The following NAALADL2 variants were observed in gnomAD, a reference collection of about 807,000 sequenced individuals.
NAALADL2 encodes inactive N-acetylated-alpha-linked acidic dipeptidase-like protein 2.
In NAALADL2, 76 loss-of-function variants were observed where a neutral mutation model predicts 87.2. The observed-to-expected ratio is 0.87, with a 90% CI of 0.72 to 1.05. The LOEUF is 1.05. Ranked by LOEUF, NAALADL2 falls within the 50% of genes least tolerant of loss-of-function variation. NAALADL2 has a pLI of 0.00. For missense variants in NAALADL2, 1,089 were observed against 945.8 expected, an observed-to-expected ratio of 1.15 and a Z score of -1.99; for synonymous variants, 354 against 331.0, an observed-to-expected ratio of 1.07 and a Z score of -0.75.
At chr3:175,141,892 G>A (rs1214887922) in intron 2 of NAALADL2, among the ~76,000 whole-genome samples, 1 of 152,070 alleles carries the variant, frequency 6.6e-6, no homozygotes, top group African/African-American at 2.4e-5. Context: ...GGATGAAGAT[G>A]TAATTTGGAA....
At chr3:175,477,444 T>C (rs1390763496) in intron 9 of NAALADL2, among the ~76,000 whole-genome samples, 1 of 152,126 alleles carries the variant, frequency 6.6e-6, no homozygotes, top group African/African-American at 2.4e-5. Context: ...ATTGAAAGCC[T>C]GTAACTTTGT....
At chr3:175,026,055 C>G (rs1000197386) in intron 1 of NAALADL2, among the ~76,000 whole-genome samples, 1 of 152,102 alleles carries the variant, frequency 6.6e-6, no homozygotes, top group African/African-American at 2.4e-5. Flanking sequence ...AAACCATACA[C>G]TTGCCTTGGC....
intron 5 of NAALADL2, among the ~76,000 whole-genome samples, chr3:175,385,705 A>G (rs1232751031): frequency 6.6e-6 from 1 of 152,150 alleles, no homozygotes; most frequent in East Asian, 1.9e-4. Context: ...GAGTATATGA[A>G]TGTATCAAAT....
intron 10 of NAALADL2, among the ~76,000 whole-genome samples, chr3:175,607,245 A>G (rs902029420): frequency 1.3e-5 from 2 of 152,226 alleles, no homozygotes; most frequent in Admixed American, 1.3e-4. Flanking sequence ...AGCAAATAAT[A>G]GTATAAAGAG....
chr3:174,530,715 C>G (rs527588407), intron 1 of NAALADL2, among the ~76,000 whole-genome samples: 38 of 152,204 alleles, frequency 2.5e-4, no homozygotes, highest in South Asian at 6.2e-4. Flanking sequence ...TCTCATGAGA[C>G]TTATTCACCC....
chr3:175,295,536 T>A (rs7624128), intron 4 of NAALADL2, among the ~76,000 whole-genome samples: 68,153 of 151,904 alleles, frequency 0.45, 16,316 homozygotes, highest in Non-Finnish European at 0.52. Context: ...CAACTTTTAC[T>A]GCATGTCTTT....
chr3:174,505,170 A>G (rs1392164497), intron 1 of NAALADL2, among the ~76,000 whole-genome samples: 2 of 152,266 alleles, frequency 1.3e-5, no homozygotes, highest in Admixed American at 6.5e-5. Context: ...ATGAGGGGAA[A>G]ATCCCATTGT....
chr3:175,623,428 A>G (rs1005669103), intron 10 of NAALADL2, among the ~76,000 whole-genome samples: 1 of 152,138 alleles, frequency 6.6e-6, no homozygotes, highest in African/African-American at 2.4e-5. Flanking sequence ...TCCAAGCTTT[A>G]GTTCAGAAAT....
intron 1 of NAALADL2, among the ~76,000 whole-genome samples, chr3:174,904,813 T>C (rs148840084): frequency 2.0e-5 from 3 of 152,024 alleles, no homozygotes; most frequent in African/African-American, 7.2e-5. Flanking sequence ...ACATCACCAA[T>C]TTTGATGCTC....
chr3:174,593,351 T>C (rs1717577231), intron 2 of NAALADL2, among the ~76,000 whole-genome samples: 1 of 152,160 alleles, frequency 6.6e-6, no homozygotes, highest in Non-Finnish European at 1.5e-5. Context: ...TGCAAGTGTT[T>C]TATGAGTTTT....
intron 10 of NAALADL2, among the ~76,000 whole-genome samples, chr3:175,591,128 T>TAG (rs1721391286): frequency 6.6e-6 from 1 of 152,162 alleles, no homozygotes; most frequent in Admixed American, 6.5e-5. Context: ...TCAACTTGTA[T>TAG]AGGTGGGTGG....
intron 4 of NAALADL2, among the ~76,000 whole-genome samples, chr3:175,296,161 C>T (rs1048768195): frequency 2.6e-5 from 4 of 152,192 alleles, no homozygotes; most frequent in African/African-American, 9.7e-5. Context: ...CAACGGCCCA[C>T]CACCATATCC....
chr3:175,437,984 T>A (rs1057467416), intron 5 of NAALADL2, among the ~76,000 whole-genome samples: 1 of 152,046 alleles, frequency 6.6e-6, no homozygotes, highest in Non-Finnish European at 1.5e-5. Context: ...GGTGGACCAA[T>A]GAAATGAGAA....
chr3:174,605,605 G>T (rs964500329), intron 2 of NAALADL2, among the ~76,000 whole-genome samples: 1 of 152,182 alleles, frequency 6.6e-6, no homozygotes, highest in Non-Finnish European at 1.5e-5. Flanking sequence ...TGGCAGTGAG[G>T]CTGGGGGAGG....
chr3:174,782,208 G>T (rs1452253008), intron 3 of NAALADL2, among the ~76,000 whole-genome samples: 1 of 152,078 alleles, frequency 6.6e-6, no homozygotes, highest in Non-Finnish European at 1.5e-5. Context: ...GAATAACACT[G>T]CCCCTCACTG....
chr3:175,770,443 CTAAA>C (rs1489018865), intron 13 of NAALADL2, among the ~76,000 whole-genome samples: 8 of 152,140 alleles, frequency 5.3e-5, no homozygotes, highest in Non-Finnish European at 1.0e-4. Flanking sequence ...TTTTAAATGA[CTAAA>C]TAATCTTGAG....
chr3:175,656,942 G>A (rs997726384), intron 11 of NAALADL2, among the ~76,000 whole-genome samples: 9 of 152,098 alleles, frequency 5.9e-5, no homozygotes, highest in African/African-American at 1.9e-4. Flanking sequence ...CACCTATGAT[G>A]TGCCATATGT....
chr3:174,704,312 T>C (rs1176503426), intron 2 of NAALADL2, among the ~76,000 whole-genome samples: 1 of 152,188 alleles, frequency 6.6e-6, no homozygotes, highest in African/African-American at 2.4e-5. Flanking sequence ...AAAAAGATTA[T>C]CATCAGACAG....
chr3:174,911,193 T>C (rs1326512301), intron 1 of NAALADL2, among the ~76,000 whole-genome samples: 1 of 152,128 alleles, frequency 6.6e-6, no homozygotes, highest in Admixed American at 6.5e-5. Context: ...TTCTCCCTGA[T>C]ACTGGCAATA....
Sources: gnomAD v4.1 joint callset for allele counts (sites outside exome capture counted in the v4.1 genomes callset) on GRCh38, gnomAD v4.1.1 for gene constraint, MANE v1.5 for transcripts, NCBI Gene and HGNC (gene_info 2026-07-23, HGNC 2026-07-21) for gene names.